Variants in DNAJC14 observed in about 807,000 individuals in gnomAD.
DNAJC14 encodes DnaJ heat shock protein family (Hsp40) member C14, also known as dnaJ homolog subfamily C member 14.
In DNAJC14, 12 loss-of-function variants were observed where a neutral mutation model predicts 68.8. The observed-to-expected ratio is 0.17, with a 90% CI of 0.11 to 0.28. The LOEUF (loss-of-function observed/expected upper bound fraction) is 0.28, where lower values mean the gene tolerates loss of function less well. DNAJC14 is among the 10% of genes least tolerant of loss of function. DNAJC14 has a pLI of 1.00. For missense variants in DNAJC14, 764 were observed against 875.6 expected (o/e 0.87, Z 1.61); for synonymous variants, 350 against 321.5 (o/e 1.09, Z -0.95).
At position 55,823,392 on chromosome 12, in the gene DNAJC14, T is replaced by A. The variant is rs776557630; in HGVS notation, c.1514+10A>T. On this transcript the variant is annotated intron_variant, in intron 3 of 6. Transcript: ENST00000678005. ...TACCATTATCTGATGATTTCCCATC[T>A]CCAACTTACATCTCATACTCCTTTC... 1 of 1,613,954 alleles carries A rather than the reference T, an allele frequency of 6.2e-7. No homozygotes were observed. The highest frequency in any genetic ancestry group is 2.2e-5 in the East Asian group (1 of 44,890).
In DNAJC14 at chr12:55,821,811, C is replaced by T. The variant is rs1880672575; in HGVS notation, c.*166G>A. On this transcript the variant is annotated 3_prime_UTR_variant, in exon 7 of 7. Transcript: ENST00000678005. ...GACAGAGGTTGCAGTAAGCTGAGATCACACCACTGCACTCCAGCTGGGCAA... is the reference window on the plus strand; with the variant it reads ...GACAGAGGTTGCAGTAAGCTGAGATTACACCACTGCACTCCAGCTGGGCAA... 1 of 645,368 alleles carries T rather than the reference C, an allele frequency of 1.5e-6. No individual in the cohort carries two copies. Among genetic ancestry groups the T allele is most frequent in the African/African-American group, 1.9e-5 (1 of 53,208 alleles). The allele number at this position is 645,368 out of a possible 1,614,324, so 40.0% of individuals were successfully genotyped here.
chr12:55,823,358 T>C, intron 3 of DNAJC14, 44 bp downstream of exon 3: 2 of 1,609,600 alleles, frequency 1.2e-6, no homozygotes, highest in Non-Finnish European at 1.7e-6. Context: ...CTATTGAGGA[T>C]TTTTCATTTA....
At chr12:55,828,800 A>G in intron 1 of DNAJC14, 86 bp from the exon 2 acceptor site, 1 of 1,368,944 alleles carries the variant, frequency 7.3e-7, no homozygotes, top group Non-Finnish European at 9.5e-7. Context: ...CATTTAATTC[A>G]TCCACCTCCC....
chr12:55,829,659 G>C (rs1037805366), upstream of DNAJC14: 1 of 962,738 alleles, frequency 1.0e-6, no homozygotes, highest in Admixed American at 6.2e-5. Context: ...CCAGGGAAGA[G>C]ACGGGAAGGA....
In DNAJC14 at chr12:55,828,263, C is replaced by G. The variant is rs748756994; in HGVS notation, c.396G>C (p.Gln132His). 2.5e-6 allele frequency: 4 copies of G among 1,605,134 alleles called. No homozygotes were observed. In the Admixed American group the frequency reaches 6.9e-5, roughly 28 times the overall value. ...FLSIPSACNC[Q>H]GTPGIPEGPY... ...GCCCTTCTGGAATTCCAGGTGTTCC[C>G]TGGCAGTTGCAAGCAGATGGAATGG... Residue 132 changes from glutamine to histidine, a missense_variant, in exon 2 of 7, where the codon CAG (glutamine) becomes CAC (histidine). This residue lies in a region of DNAJC14 where 514 missense variants were observed against 521.7 expected (regional missense o/e 0.99). Coordinates refer to ENST00000678005, the MANE Select transcript of DNAJC14 (RefSeq NM_032364.6).
Position 55,827,781 on chromosome 12 carries a change from A to T in DNAJC14, c.878T>A (p.Val293Glu), listed in dbSNP as rs1206932049. 1 of 1,613,686 alleles carries T rather than the reference A, an allele frequency of 6.2e-7. No individual in the cohort carries two copies. Among genetic ancestry groups the T allele is most frequent in the Non-Finnish European group, 8.5e-7 (1 of 1,179,806 alleles). ...DLDLFRVWMGVWTGRLGGWAQ... is the reference protein window; with the variant it reads ...DLDLFRVWMGEWTGRLGGWAQ... ...CCAGCCCCCTAACCGCCCTGTCCAC[A>T]CTCCCATCCAAACTCGAAAAAGGTC... The change falls in exon 2 of 7, where the codon GTG (valine) becomes GAG (glutamate). Residue 293 changes from valine to glutamate, a missense_variant. By Grantham distance (121) the Val-to-Glu change is moderately radical. Coordinates refer to ENST00000678005, the MANE Select transcript of DNAJC14 (RefSeq NM_032364.6).
In DNAJC14 at chr12:55,828,643, G is replaced by A. The variant is rs774377537; in HGVS notation, c.16C>T (p.Pro6Ser). MAQKH[P>S]GERGLYGAHH... Reference sequence around the variant, plus strand: ...GCTCCATACAACCCTCTTTCTCCGGGGTGCTTCTGGGCCATGACCCCGGGG... The same window carrying A: ...GCTCCATACAACCCTCTTTCTCCGGAGTGCTTCTGGGCCATGACCCCGGGG... Residue 6 changes from proline to serine, a missense_variant, in exon 2 of 7, where the codon CCC becomes TCC. Pro to Ser is a moderately conservative substitution (Grantham distance 74). Transcript: ENST00000678005. 1.2e-6 allele frequency: 2 copies of A among 1,613,094 alleles called. No individual in the cohort carries two copies. The highest frequency in any genetic ancestry group is 2.2e-5 in the East Asian group (1 of 44,848).
upstream of DNAJC14, chr12:55,829,648 A>T: frequency 1.0e-6 from 1 of 974,744 alleles, no homozygotes; most frequent in Non-Finnish European, 1.2e-6. Flanking sequence ...TTCCGGGGTC[A>T]CCAGGGAAGA....
chr12:55,827,734 G>T lies in DNAJC14; in HGVS notation c.925C>A (p.Leu309Ile). The T allele has an allele frequency of 6.2e-7, 1 of 1,614,146 alleles. No individual in the cohort carries two copies. Among genetic ancestry groups the T allele is most frequent in the Non-Finnish European group, 8.5e-7 (1 of 1,179,998 alleles). Residue 309 changes from leucine to isoleucine, a missense_variant, in exon 2 of 7, where the codon CTA becomes ATA. Leu to Ile is a conservative substitution (Grantham distance 5). Around this residue, in one of 4 missense-constraint regions of DNAJC14, gnomAD observed 514 missense variants for 521.7 expected, o/e 0.99. Transcript: ENST00000678005. ...GGWAQVMFQF[L>I]SQGFYCGVGL... ...ACTCCACAGTAAAACCCCTGGCTTA[G>T]AAACTGAAACATGACCTGGGCCCAG...
intron 2 of DNAJC14, among the ~76,000 whole-genome samples, chr12:55,825,912 T>C (rs1026737695): frequency 6.6e-6 from 1 of 152,146 alleles, no homozygotes; most frequent in East Asian, 1.9e-4. Flanking sequence ...TACACCTCCA[T>C]TTTCTTGCCC....
Position 55,821,447 on chromosome 12 carries a change from C to T in DNAJC14, c.*530G>A. ...AATGACAAGACAAAGGCATACAGAC[C>T]CCAGGGAAATACCCAGTTCCCACAC... is the stretch of plus-strand genomic sequence containing the variant. On this transcript the variant is annotated 3_prime_UTR_variant, in exon 7 of 7. Coordinates refer to ENST00000678005, the MANE Select transcript of DNAJC14 (RefSeq NM_032364.6). The T allele has an allele frequency of 6.5e-6, 1 of 152,780 alleles. No individual in the cohort carries two copies. Among genetic ancestry groups the T allele is most frequent in the Non-Finnish European group, 1.5e-5 (1 of 68,084 alleles). 9.5% of individuals were successfully genotyped at this position (152,780 alleles called of 1,614,324 possible). A position where few individuals can be genotyped will look rare whatever the true frequency, so the allele number is the denominator to read the frequency against.
Position 55,828,026 on chromosome 12 carries a change from T to A in DNAJC14, c.633A>T (p.Gly211=), listed in dbSNP as rs756412542. 6.2e-7 allele frequency: 1 copy of A among 1,613,440 alleles called. No homozygotes were observed. Among genetic ancestry groups the A allele is most frequent in the Non-Finnish European group, 8.5e-7 (1 of 1,179,846 alleles). ...FPTKEDTREG[G]RRDPRSPGRH... ...GACCAGGGGACCTGGGATCCCTACGTCCACCCTCCCGAGTATCCTCCTTCG... is the reference window on the plus strand; with the variant it reads ...GACCAGGGGACCTGGGATCCCTACGACCACCCTCCCGAGTATCCTCCTTCG... Residue 211 remains glycine (G), a synonymous_variant, in exon 2 of 7, where the codon GGA becomes GGT. Transcript: ENST00000678005.
intron 1 of DNAJC14, chr12:55,829,102 C>G: frequency 1.0e-6 from 1 of 990,798 alleles, no homozygotes; most frequent in Non-Finnish European, 1.2e-6. Context: ...GGGGGCGGAG[C>G]TTAGGGCTGC....
rs1565688665 is a variant in DNAJC14 at position 55,822,847 on chromosome 12, A to T, written c.1635-115T>A. 3.5e-6 allele frequency: 5 copies of T among 1,425,792 alleles called. No individual in the cohort carries two copies. The East Asian group carries it at 1.1e-4, about 33-fold the overall frequency. The allele number at this position is 1,425,792 out of a possible 1,614,324, so 88.3% of individuals were successfully genotyped here. On this transcript the variant is annotated intron_variant, in intron 4 of 6. Coordinates refer to ENST00000678005, the MANE Select transcript of DNAJC14 (RefSeq NM_032364.6). The stretch of plus-strand genomic sequence containing the variant: ...TGAAACATCTAAAATTACCCCACTT[A>T]GTATTTCATATCCCTTCAACGTTCT...
In DNAJC14 at chr12:55,826,732, G is replaced by A. The variant is rs190336177; in HGVS notation, c.1407+520C>T. On this transcript the variant is annotated intron_variant, in intron 2 of 6. Coordinates refer to ENST00000678005, the MANE Select transcript of DNAJC14 (RefSeq NM_032364.6). ...GGAGAATGGCGTGAACCCGGGAGGC[G>A]GAGTTTGCGTGAGCCAAGATCACGC... 2.5e-4 allele frequency among the ~76,000 whole-genome samples: 38 copies of A among 151,846 alleles called. 1 individual carries two copies. The East Asian group carries it at 6.5e-3, about 26-fold the overall frequency.
In DNAJC14 at chr12:55,827,663, G is replaced by A. The variant is rs899464667; in HGVS notation, c.996C>T (p.Leu332=). ...AGCCCAAAAAGAGGGCCAGAGCCAG[G>A]AGCAGCAAAGCACCCAGCAGCTTAA... The part of the protein sequence containing the change: ...RFLKLLGALL[L]LALALFLGFL... Residue 332 remains leucine, a synonymous_variant, in exon 2 of 7, where the codon CTC becomes CTT. Transcript: ENST00000678005. 6 of 1,613,566 alleles carry A rather than the reference G, an allele frequency of 3.7e-6. No individual in the cohort carries two copies. Among genetic ancestry groups the A allele is most frequent in the South Asian group, 2.2e-5 (2 of 91,016 alleles).
chr12:55,828,036 C>G lies in DNAJC14; in HGVS notation c.623G>C (p.Arg208Pro). The G allele has an allele frequency of 6.2e-7, 1 of 1,613,272 alleles. No homozygotes were observed. The highest frequency in any genetic ancestry group is 8.5e-7 in the Non-Finnish European group (1 of 1,179,684). The change falls in exon 2 of 7, where the codon CGG becomes CCG. Residue 208 changes from arginine to proline, a missense_variant. This residue lies in a region of DNAJC14 where 514 missense variants were observed against 521.7 expected (regional missense o/e 0.99). Transcript: ENST00000678005. Reference protein sequence around the residue: ...RHRFPTKEDTREGGRRDPRSP... With the variant: ...RHRFPTKEDTPEGGRRDPRSP... ...CCTGGGATCCCTACGTCCACCCTCC[C>G]GAGTATCCTCCTTCGTTGGAAAGCG...
upstream of DNAJC14, chr12:55,829,677 T>C: frequency 1.1e-6 from 1 of 926,322 alleles, no homozygotes; most frequent in East Asian, 1.2e-4. Flanking sequence ...GGAAAAGAAA[T>C]AGCGGTTGGC....
rs753708696 is a variant in DNAJC14, at chr12:55,827,606, T to C, written c.1053A>G (p.Gly351=). 101 of 1,607,808 alleles carry C rather than the reference T, an allele frequency of 6.3e-5. No homozygotes were observed. Among genetic ancestry groups the C allele is most frequent in the Non-Finnish European group, 7.8e-5 (92 of 1,175,896 alleles). Residue 351 remains glycine (G), a synonymous_variant, in exon 2 of 7, where the codon GGA becomes GGG. Transcript: ENST00000678005. ...FLQLGWRFLV[G]LGDRLGWRDK... is the part of the protein sequence containing the mutation. ...CCCTCCAGCCTAACCGGTCACCTAG[T>C]CCCACCAGAAACCGCCATCCCAACT... is the stretch of plus-strand genomic sequence containing the variant.
Sources: allele counts gnomAD v4.1 joint callset (sites outside exome capture counted in the v4.1 genomes callset), GRCh38; gene constraint gnomAD v4.1.1; regional missense constraint gnomAD v4.1.1; transcripts MANE v1.5; gene names NCBI Gene and HGNC (gene_info 2026-07-23, HGNC 2026-07-21).